Variants in APBB2 observed in about 807,000 individuals in gnomAD.
APBB2 encodes the protein Fe65-like 1.
APBB2 carries 38 observed loss-of-function variants against 82.5 expected under a neutral mutation model. The ratio of observed to expected loss-of-function variants is 0.46; its 90% CI spans 0.36 to 0.60. The LOEUF (loss-of-function observed/expected upper bound fraction) is 0.60, where lower values mean the gene tolerates loss of function less well. Ranked by LOEUF, APBB2 falls within the 20% of genes least tolerant of loss-of-function variation. The pLI is 0.00. For missense variants in APBB2, 772 were observed against 972.3 expected, an observed-to-expected ratio of 0.79 and a Z score of 2.74; for synonymous variants, 341 against 368.2, an observed-to-expected ratio of 0.93 and a Z score of 0.85.
chr4:40,865,383 G>T (rs1010227439), intron 12 of APBB2, among the ~76,000 whole-genome samples: 1 of 152,200 alleles, frequency 6.6e-6, no homozygotes, highest in Non-Finnish European at 1.5e-5. Context: ...CTAAACCCAT[G>T]GCTGGGAAGG....
chr4:41,125,838 C>G (rs2154000309), intron 2 of APBB2, among the ~76,000 whole-genome samples: 1 of 152,314 alleles, frequency 6.6e-6, no homozygotes, highest in African/African-American at 2.4e-5. Flanking sequence ...GAGAAAGCAG[C>G]CTTGGCTTGA....
At chr4:41,061,011 A>G (rs1447272724) in intron 4 of APBB2, among the ~76,000 whole-genome samples, 2 of 152,326 alleles carry the variant, frequency 1.3e-5, no homozygotes, top group East Asian at 3.9e-4. Context: ...CTTTTAAACT[A>G]GTGGGGACAC....
chr4:41,213,084 GAA>G (rs35220290), intron 1 of APBB2, among the ~76,000 whole-genome samples: 31 of 126,708 alleles, frequency 2.4e-4, no homozygotes, highest in East Asian at 6.7e-4. Context: ...ACCATGACAA[GAA>G]AAAAAAAAAA....
intron 2 of APBB2, among the ~76,000 whole-genome samples, chr4:41,117,298 T>A (rs6818901): frequency 0.18 from 25,539 of 142,438 alleles, 2,324 homozygotes; most frequent in African/African-American, 0.23. Flanking sequence ...TATTATTATT[T>A]TTTTTTTTTT....
chr4:40,947,148 C>T (rs1289400786), intron 6 of APBB2, among the ~76,000 whole-genome samples: 2 of 152,122 alleles, frequency 1.3e-5, no homozygotes, highest in African/African-American at 4.8e-5. Flanking sequence ...GTCACTTCTG[C>T]TATTATTTTG....
Position 40,826,943 on chromosome 4 carries a change from G to A in APBB2, c.1732+189C>T. Reference sequence around the variant, plus strand: ...ACAACAAAACTCATCCTGGCTTTATGCCTAACCCTAGTGATGCAAAATCAA... The same window carrying A: ...ACAACAAAACTCATCCTGGCTTTATACCTAACCCTAGTGATGCAAAATCAA... On this transcript the variant is annotated intron_variant, in intron 14 of 17. Transcript: ENST00000508593. The surrounding 1 kb of genome is among the most constrained non-coding windows in gnomAD (Gnocchi z 4.5). The A allele has an allele frequency of 1.8e-6, 1 of 554,806 alleles. No individual in the cohort carries two copies. The highest frequency in any genetic ancestry group is 3.2e-6 in the Non-Finnish European group (1 of 310,828). The allele number at this position is 554,806 out of a possible 1,614,324, so 34.4% of individuals were successfully genotyped here.
Position 41,129,352 on chromosome 4 carries a change from A to C in APBB2, c.-261+13635T>G, listed in dbSNP as rs531864385. On this transcript the variant is annotated intron_variant, in intron 2 of 17. Coordinates refer to ENST00000508593, the MANE Select transcript of APBB2 (RefSeq NM_004307.2). ...CCACCACCAACACCCTCCTGACTACACAGATGGCACATTCCTGCCTCCATG... is the reference window on the plus strand; with the variant it reads ...CCACCACCAACACCCTCCTGACTACCCAGATGGCACATTCCTGCCTCCATG... 2.0e-5 allele frequency among the ~76,000 whole-genome samples: 3 copies of C among 152,156 alleles called. No individual in the cohort carries two copies. In the South Asian group the frequency reaches 6.2e-4, roughly 32 times the overall value.
intron 12 of APBB2, among the ~76,000 whole-genome samples, chr4:40,886,701 C>T (rs186364292): frequency 2.0e-5 from 3 of 152,204 alleles, no homozygotes; most frequent in East Asian, 1.9e-4. Flanking sequence ...AGGGAGCATT[C>T]GGTCATTGGC....
chr4:41,093,040 A>G (rs1297291655), intron 3 of APBB2, among the ~76,000 whole-genome samples: 1 of 152,174 alleles, frequency 6.6e-6, no homozygotes, highest in Admixed American at 6.5e-5. Flanking sequence ...CTTTTCCAGT[A>G]ACATCAGCAG....
chr4:40,988,948 G>C (rs935466436), intron 6 of APBB2, among the ~76,000 whole-genome samples: 2 of 151,774 alleles, frequency 1.3e-5, no homozygotes, highest in Non-Finnish European at 2.9e-5. Context: ...TAGTAGAGAC[G>C]AGGGTTTCAC....
chr4:40,968,399 T>A (rs1795175804), intron 6 of APBB2, among the ~76,000 whole-genome samples: 1 of 152,196 alleles, frequency 6.6e-6, no homozygotes. Context: ...TCGCTTGGAT[T>A]CAAAACTGGC....
chr4:41,177,149 G>C (rs1770045267), intron 1 of APBB2, among the ~76,000 whole-genome samples: 1 of 152,156 alleles, frequency 6.6e-6, no homozygotes, highest in Non-Finnish European at 1.5e-5. Flanking sequence ...TGAATTCAGA[G>C]GGTCAGTTTA....
At chr4:40,859,177 ACAAGTCCTGC>A (rs1237221744) in intron 12 of APBB2, among the ~76,000 whole-genome samples, 1 of 152,126 alleles carries the variant, frequency 6.6e-6, no homozygotes, top group Non-Finnish European at 1.5e-5. Context: ...GTCATGTGTG[ACAAGTCCTGC>A]CAACTCTGCC....
chr4:41,160,011 GAAGAAGAAGAAGAAGAAGAAGAAGAAA>G lies in APBB2; in HGVS notation c.-416-16896_-416-16870del, dbSNP rs1194040059. Among the ~76,000 whole-genome samples, 367 of 149,792 alleles carry G rather than the reference GAAGAAGAAGAAGAAGAAGAAGAAGAAA, an allele frequency of 2.5e-3. 2 individuals are homozygous for G. Among genetic ancestry groups the G allele is most frequent in the African/African-American group, 8.4e-3 (338 of 40,040 alleles). On this transcript the variant is annotated intron_variant, in intron 1 of 17. Coordinates refer to ENST00000508593, the MANE Select transcript of APBB2 (RefSeq NM_004307.2). ...AGAAGAAGAAGAAGAAGAAGAAGAA[GAAGAAGAAGAAGAAGAAGAAGAAGAAA>G]ACATCACAGGATGCTGTTTTGCGGA... is the stretch of plus-strand genomic sequence containing the variant.
intron 3 of APBB2, among the ~76,000 whole-genome samples, chr4:41,089,090 G>A (rs771768871): frequency 3.9e-5 from 6 of 152,156 alleles, no homozygotes; most frequent in Non-Finnish European, 8.8e-5. Flanking sequence ...AACCATCGCA[G>A]GTTAAACACA....
At chr4:40,823,101 A>G (rs1240259898) in intron 16 of APBB2, among the ~76,000 whole-genome samples, 1 of 152,218 alleles carries the variant, frequency 6.6e-6, no homozygotes, top group African/African-American at 2.4e-5. Context: ...AGTCTGGGCC[A>G]GGTTGCCTGG....
In APBB2 at chr4:41,051,124, G is replaced by A. The variant is rs187289623; in HGVS notation, c.-51+14452C>T. Among the ~76,000 whole-genome samples the A allele has an allele frequency of 2.6e-3, 401 of 152,228 alleles. 2 individuals are homozygous for A. The highest frequency in any genetic ancestry group is 4.7e-3 in the Non-Finnish European group (322 of 68,030). ...GAAGTCAGGAATCAGGGCCAGGGAA[G>A]CTAAAACAAAGGCGGGTCTCTAAAA... On this transcript the variant is annotated intron_variant, in intron 4 of 17. Coordinates refer to ENST00000508593, the MANE Select transcript of APBB2 (RefSeq NM_004307.2).
At chr4:41,115,403 T>C (rs997647784) in intron 2 of APBB2, among the ~76,000 whole-genome samples, 1 of 152,140 alleles carries the variant, frequency 6.6e-6, no homozygotes, top group Non-Finnish European at 1.5e-5. Context: ...ATTCAGGACA[T>C]AGGCATGGGC....
At chr4:40,982,080 G>C (rs916819088) in intron 6 of APBB2, among the ~76,000 whole-genome samples, 2 of 151,316 alleles carry the variant, frequency 1.3e-5, no homozygotes, top group Non-Finnish European at 2.9e-5. Context: ...AGCTACTTGG[G>C]AGGCTGAGGC....
Sources: gnomAD v4.1 joint callset for allele counts (sites outside exome capture counted in the v4.1 genomes callset) on GRCh38, gnomAD v4.1.1 for gene constraint, Gnocchi (gnomAD v3.1) non-coding constraint, MANE v1.5 for transcripts, NCBI Gene and HGNC (gene_info 2026-07-23, HGNC 2026-07-21) for gene names.